The following LRRC40 variants were observed in gnomAD, a reference collection of about 807,000 sequenced individuals.
The protein encoded by LRRC40 is leucine rich repeat containing 40.
LRRC40 carries 76 observed loss-of-function variants against 72.8 expected under a neutral mutation model. That is an observed-to-expected ratio of 1.04 (90% CI 0.87 to 1.26). The LOEUF is 1.26. Among genes scored for constraint, LRRC40 ranks in the 50% most tolerant of loss-of-function variants. The pLI is 0.00. For synonymous variants in LRRC40, 243 were observed against 254.2 expected (o/e 0.96, Z 0.42); for missense variants, 684 against 698.9 (o/e 0.98, Z 0.24).
At chr1:70,199,207 A>C (rs1571499529) in intron 1 of LRRC40, among the ~76,000 whole-genome samples, 1 of 120,920 alleles carries the variant, frequency 8.3e-6, no homozygotes, top group East Asian at 2.4e-4. Flanking sequence ...GTCAAATTAT[A>C]CATAGTCTCA....
intron 9 of LRRC40, among the ~76,000 whole-genome samples, chr1:70,166,683 T>C (rs1010948981): frequency 5.9e-5 from 9 of 151,516 alleles, no homozygotes; most frequent in African/African-American, 2.2e-4. Flanking sequence ...AAATCAAAAA[T>C]TAAAGAAATT....
At chr1:70,161,784 T>A (rs1484932198) in intron 9 of LRRC40, among the ~76,000 whole-genome samples, 2 of 152,082 alleles carry the variant, frequency 1.3e-5, no homozygotes, top group East Asian at 3.9e-4. Context: ...AAAACTAGAG[T>A]CCATTTGGTT....
intron 3 of LRRC40, 44 bp downstream of exon 3, chr1:70,187,221 C>A (rs1414031569): frequency 1.1e-6 from 1 of 885,984 alleles, no homozygotes; most frequent in Admixed American, 2.2e-5. Flanking sequence ...TAGATTTAAA[C>A]CATTATAAGG....
At chr1:70,160,679 AT>A (rs1229275954) in intron 9 of LRRC40, among the ~76,000 whole-genome samples, 1 of 152,132 alleles carries the variant, frequency 6.6e-6, no homozygotes. Context: ...ATTCTTAACA[AT>A]TTCCAAAGAG....
At chr1:70,149,842 G>T (rs1311963419) in intron 13 of LRRC40, among the ~76,000 whole-genome samples, 1 of 152,044 alleles carries the variant, frequency 6.6e-6, no homozygotes, top group Non-Finnish European at 1.5e-5. Flanking sequence ...CTTGTTATAA[G>T]GATTAAATGA....
In LRRC40 at chr1:70,175,659, A is replaced by G. The variant is rs537013911; in HGVS notation, c.977+151T>C. ...TTGCTGTTAAAGACAAAACCTAATT[A>G]ATCTTTATCTGTACATAACTACTGC... On this transcript the variant is annotated intron_variant, in intron 7 of 14. Coordinates refer to ENST00000370952, the MANE Select transcript of LRRC40 (RefSeq NM_017768.5). The G allele has an allele frequency of 3.6e-5, 20 of 551,162 alleles. No individual in the cohort carries two copies. In the South Asian group the frequency reaches 5.7e-4, roughly 16 times the overall value. The allele number at this position is 551,162 out of a possible 1,614,324, so 34.1% of individuals were successfully genotyped here.
chr1:70,173,623 C>T lies in LRRC40; in HGVS notation c.1064G>A (p.Ser355Asn), dbSNP rs1668044228. The T allele has an allele frequency of 3.9e-6, 6 of 1,553,204 alleles. No individual in the cohort carries two copies. The highest frequency in any genetic ancestry group is 5.3e-6 in the Non-Finnish European group (6 of 1,136,694). Residue 355 changes from serine to asparagine, a missense_variant and splice_region_variant, in exon 8 of 15, where the codon AGT becomes AAT. By Grantham distance (46) the Ser-to-Asn change is conservative (BLOSUM62 1). Coordinates refer to ENST00000370952, the MANE Select transcript of LRRC40 (RefSeq NM_017768.5). ...GAGCTGAATTCCAAATATACTTACA[C>T]TTATAATTTCTCTTCGAATTGTTCT... ...PLRTIRREII[S>N]KGTQEVLKYL...
Position 70,156,623 on chromosome 1 carries a change from C to T in LRRC40, c.1221-827G>A, listed in dbSNP as rs185183211. Among the ~76,000 whole-genome samples the T allele has an allele frequency of 2.6e-5, 4 of 152,218 alleles. No homozygotes were observed. In the East Asian group the frequency reaches 7.7e-4, roughly 29 times the overall value. On this transcript the variant is annotated intron_variant, in intron 10 of 14. Coordinates refer to ENST00000370952, the MANE Select transcript of LRRC40 (RefSeq NM_017768.5). ...GACCCCCCGGGGATGCCAGAATCTT[C>T]TGAGAGGACTGAATCCTATATAGTA...
At chr1:70,171,615 A>T (rs1334932686) in intron 9 of LRRC40, among the ~76,000 whole-genome samples, 3 of 152,174 alleles carry the variant, frequency 2.0e-5, no homozygotes, top group Admixed American at 6.6e-5. Context: ...GAAAAATGCA[A>T]ATCAAAGCCA....
intron 1 of LRRC40, among the ~76,000 whole-genome samples, chr1:70,203,790 C>A (rs1258332626): frequency 2.6e-5 from 4 of 152,176 alleles, no homozygotes; most frequent in Non-Finnish European, 5.9e-5. Context: ...TAACGAACTA[C>A]AAACAGTTCA....
intron 1 of LRRC40, among the ~76,000 whole-genome samples, chr1:70,195,880 C>T (rs185949015): frequency 3.9e-4 from 60 of 152,282 alleles, no homozygotes; most frequent in African/African-American, 1.3e-3. Context: ...AAGTGATCCA[C>T]CTGCCTCGGC....
intron 10 of LRRC40, among the ~76,000 whole-genome samples, chr1:70,158,606 G>A (rs1247698771): frequency 6.6e-6 from 1 of 151,804 alleles, no homozygotes; most frequent in African/African-American, 2.4e-5. Flanking sequence ...AAATTTTTTG[G>A]CTTTGTCTCA....
At chr1:70,166,660 A>AT (rs1408655469) in intron 9 of LRRC40, among the ~76,000 whole-genome samples, 4 of 143,078 alleles carry the variant, frequency 2.8e-5, no homozygotes, top group South Asian at 5.0e-4. Flanking sequence ...TCGCTTCTAA[A>AT]TAAAAAAAAA....
chr1:70,171,350 C>T (rs1558118131), intron 9 of LRRC40, among the ~76,000 whole-genome samples: 1 of 149,644 alleles, frequency 6.7e-6, no homozygotes, highest in Non-Finnish European at 1.5e-5. Flanking sequence ...ATTGGACTTG[C>T]TCAAAATTAA....
chr1:70,152,960 C>A lies in LRRC40; in HGVS notation c.1329-417G>T, dbSNP rs190256407. Among the ~76,000 whole-genome samples, 123 of 152,178 alleles carry A rather than the reference C, an allele frequency of 8.1e-4. 1 individual carries two copies. Among genetic ancestry groups the A allele is most frequent in the Middle Eastern group, 3.4e-3 (1 of 294 alleles). On this transcript the variant is annotated intron_variant, in intron 11 of 14. Transcript: ENST00000370952. ...TTTCTACTACATAAGTAGTGTATTA[C>A]CACTAAGGAGCTTTAGTTTAAAACT...
At chr1:70,162,398 T>A (rs1667785269) in intron 9 of LRRC40, among the ~76,000 whole-genome samples, 2 of 152,090 alleles carry the variant, frequency 1.3e-5, no homozygotes, top group African/African-American at 4.8e-5. Context: ...AACAGCAACA[T>A]CACCCTAACA....
At position 70,178,876 on chromosome 1, in the gene LRRC40, T is replaced by C; in HGVS notation, c.779A>G (p.Glu260Gly). Residue 260 changes from glutamate (E) to glycine (G), a missense_variant, in exon 6 of 15, where the codon GAA (glutamate) becomes GGA (glycine). Transcript: ENST00000370952. ...LRRNKLRFLP[E>G]FPSCSLLKEL... Reference sequence around the variant, plus strand: ...CTTCAATAGACTACAAGAAGGAAATTCTGGTAGAAAACGTAATTTATTCCT... The same window carrying C: ...CTTCAATAGACTACAAGAAGGAAATCCTGGTAGAAAACGTAATTTATTCCT... The C allele has an allele frequency of 1.3e-6, 2 of 1,596,750 alleles. No homozygotes were observed. The highest frequency in any genetic ancestry group is 1.7e-6 in the Non-Finnish European group (2 of 1,167,924).
intron 13 of LRRC40, among the ~76,000 whole-genome samples, chr1:70,149,904 C>A (rs1667425803): frequency 6.6e-6 from 1 of 151,860 alleles, no homozygotes; most frequent in South Asian, 2.1e-4. Context: ...ACATTAGCTG[C>A]TAATATTTTA....
At chr1:70,198,506 A>T (rs540410084) in intron 1 of LRRC40, among the ~76,000 whole-genome samples, 1 of 152,318 alleles carries the variant, frequency 6.6e-6, no homozygotes, top group Admixed American at 6.5e-5. Context: ...ATCTAGTCCG[A>T]CGAAAAAGAG....
Sources: gnomAD v4.1 joint callset for allele counts (sites outside exome capture counted in the v4.1 genomes callset) on GRCh38, gnomAD v4.1.1 for gene constraint, MANE v1.5 for transcripts, NCBI Gene and HGNC (gene_info 2026-07-23, HGNC 2026-07-21) for gene names.